The following ASIC2 variants were observed in gnomAD, a reference collection of about 807,000 sequenced individuals.
ASIC2 encodes acid sensing ion channel subunit 2, also known as acid-sensing ion channel 2.
ASIC2 carries 25 observed loss-of-function variants against 57.3 expected under a neutral mutation model. That is an observed-to-expected ratio of 0.44 (90% CI 0.32 to 0.61). The LOEUF is 0.61. Ranked by LOEUF, ASIC2 falls within the 20% of genes least tolerant of loss-of-function variation. The pLI, the probability that ASIC2 is intolerant of heterozygous loss-of-function variation, is 0.06. For synonymous variants in ASIC2, 319 were observed against 307.5 expected (o/e 1.04, Z -0.39); for missense variants, 641 against 738.1 (o/e 0.87, Z 1.52).
chr17:33,916,881 A>G (rs945870911), intron 1 of ASIC2, among the ~76,000 whole-genome samples: 7 of 152,122 alleles, frequency 4.6e-5, no homozygotes, highest in African/African-American at 1.7e-4. Flanking sequence ...CAGTTTCCTC[A>G]TCTGTAAATG....
chr17:33,464,347 G>A (rs990617623), intron 1 of ASIC2, among the ~76,000 whole-genome samples: 5 of 152,140 alleles, frequency 3.3e-5, no homozygotes, highest in African/African-American at 1.2e-4. Flanking sequence ...AACCAAATTG[G>A]AAAGCTGGTT....
intron 1 of ASIC2, among the ~76,000 whole-genome samples, chr17:33,531,143 CG>C (rs1310164700): frequency 1.3e-5 from 2 of 152,120 alleles, no homozygotes; most frequent in African/African-American, 4.8e-5. Context: ...ATTCAGGCCT[CG>C]ATCAGTAGAA....
intron 1 of ASIC2, among the ~76,000 whole-genome samples, chr17:33,728,881 A>C (rs1281045517): frequency 6.6e-6 from 1 of 152,084 alleles, no homozygotes; most frequent in African/African-American, 2.4e-5. Context: ...GGTGCATCCA[A>C]ATTGTTAATG....
At chr17:33,075,495 G>A (rs556864932) in intron 3 of ASIC2, among the ~76,000 whole-genome samples, 11 of 152,264 alleles carry the variant, frequency 7.2e-5, no homozygotes, top group African/African-American at 2.6e-4. Flanking sequence ...CACCAGAAAT[G>A]TGTTCAGGAA....
chr17:33,326,325 A>C (rs2142220846), intron 1 of ASIC2, among the ~76,000 whole-genome samples: 1 of 152,292 alleles, frequency 6.6e-6, no homozygotes, highest in African/African-American at 2.4e-5. Flanking sequence ...ATAAGATTGA[A>C]ACTCTGGGCT....
At chr17:33,509,642 C>T (rs9890512) in intron 1 of ASIC2, among the ~76,000 whole-genome samples, 35,063 of 152,182 alleles carry the variant, frequency 0.23, 4,502 homozygotes, top group African/African-American at 0.34. Flanking sequence ...CCTGCCAGGC[C>T]GGCAAGTCAG....
chr17:34,145,330 A>AT (rs1434086607), intron 1 of ASIC2, among the ~76,000 whole-genome samples: 5 of 152,158 alleles, frequency 3.3e-5, no homozygotes, highest in African/African-American at 1.2e-4. Flanking sequence ...GATTGCATCT[A>AT]TTATCAGTTT....
intron 1 of ASIC2, among the ~76,000 whole-genome samples, chr17:33,171,991 T>TCC (rs1905539032): frequency 6.6e-6 from 1 of 152,188 alleles, no homozygotes; most frequent in Non-Finnish European, 1.5e-5. Flanking sequence ...TGTGGCCCTC[T>TCC]CCCTTTTCAC....
At chr17:33,242,962 G>A (rs1435058511) in intron 1 of ASIC2, among the ~76,000 whole-genome samples, 2 of 152,214 alleles carry the variant, frequency 1.3e-5, no homozygotes, top group Non-Finnish European at 2.9e-5. Flanking sequence ...GCTCACTGGA[G>A]CACCTGGCAG....
chr17:33,120,632 G>A (rs974908223), intron 1 of ASIC2, among the ~76,000 whole-genome samples: 1 of 152,206 alleles, frequency 6.6e-6, no homozygotes, highest in African/African-American at 2.4e-5. Context: ...TGAAGTGGAA[G>A]GTGGGGAAAC....
intron 1 of ASIC2, among the ~76,000 whole-genome samples, chr17:33,703,806 T>C (rs902887455): frequency 1.3e-5 from 2 of 152,174 alleles, no homozygotes; most frequent in Non-Finnish European, 2.9e-5. Flanking sequence ...CCTCTAGGTG[T>C]ACATGATTGT....
intron 1 of ASIC2, among the ~76,000 whole-genome samples, chr17:33,799,427 CTTCTTTCT>C (rs201420934): frequency 0.037 from 3,145 of 83,868 alleles, 113 homozygotes; most frequent in East Asian, 0.12. Flanking sequence ...TTCTTTCTTT[CTTCTTTCT>C]TTCTTTCTTT....
chr17:34,119,612 GACACAC>G lies in ASIC2; in HGVS notation c.555+36360_555+36365del, dbSNP rs71369048. Among the ~76,000 whole-genome samples the G allele has an allele frequency of 4.3e-4, 63 of 148,006 alleles. No homozygotes were observed. In the East Asian group the frequency reaches 7.4e-3, roughly 17 times the overall value. On this transcript the variant is annotated intron_variant, in intron 1 of 9. Transcript: ENST00000359872. ...CTATGAGCTTCCCTTTCTCTACACAGACACACACACACACACACACACACACACAAA... is the reference window on the plus strand; with the variant it reads ...CTATGAGCTTCCCTTTCTCTACACAGACACACACACACACACACACACAAA...
intron 3 of ASIC2, among the ~76,000 whole-genome samples, chr17:33,075,770 C>T (rs1300459582): frequency 2.6e-5 from 4 of 152,130 alleles, no homozygotes; most frequent in Non-Finnish European, 5.9e-5. Context: ...GTTAAGTCTC[C>T]TTCCCAGTGT....
At chr17:33,617,036 C>T (rs1336474422) in intron 1 of ASIC2, among the ~76,000 whole-genome samples, 1 of 152,174 alleles carries the variant, frequency 6.6e-6, no homozygotes. Context: ...CTGTTTAAAA[C>T]ATTAAAGAGG....
In ASIC2 at chr17:33,863,235, G is replaced by A. The variant is rs1278934403; in HGVS notation, c.555+292743C>T. 2.0e-5 allele frequency among the ~76,000 whole-genome samples: 3 copies of A among 152,254 alleles called. No individual in the cohort carries two copies. The East Asian group carries it at 5.8e-4, about 29-fold the overall frequency. On this transcript the variant is annotated intron_variant, in intron 1 of 9. Transcript: ENST00000359872. ...CCATTCTGGGCCACGTGGCTGAGAA[G>A]CCCTGATGGAGAGAAGACTTTATCA...
intron 1 of ASIC2, among the ~76,000 whole-genome samples, chr17:34,091,980 T>C (rs1036234192): frequency 2.0e-5 from 3 of 152,196 alleles, no homozygotes; most frequent in African/African-American, 7.2e-5. Flanking sequence ...GGTTTTCCTT[T>C]CCCTACTTCC....
intron 1 of ASIC2, among the ~76,000 whole-genome samples, chr17:33,639,908 A>C (rs1248332451): frequency 6.6e-6 from 1 of 152,192 alleles, no homozygotes; most frequent in Non-Finnish European, 1.5e-5. Flanking sequence ...CCCTTTGAGC[A>C]ATTGCATTAG....
At chr17:33,693,508 AT>A (rs1219381709) in intron 1 of ASIC2, among the ~76,000 whole-genome samples, 1 of 152,094 alleles carries the variant, frequency 6.6e-6, no homozygotes, top group Non-Finnish European at 1.5e-5. Flanking sequence ...TAGGGACTGG[AT>A]GGAGGCAGAT....
Sources: gnomAD v4.1 joint callset for allele counts (sites outside exome capture counted in the v4.1 genomes callset) on GRCh38, gnomAD v4.1.1 for gene constraint, MANE v1.5 for transcripts, NCBI Gene and HGNC (gene_info 2026-07-23, HGNC 2026-07-21) for gene names.